Variants in ST8SIA5 observed in about 807,000 individuals in gnomAD.
ST8SIA5 encodes ST8 alpha-N-acetyl-neuraminide alpha-2,8-sialyltransferase 5, also known as alpha-2,8-sialyltransferase 8E.
ST8SIA5 carries 24 observed loss-of-function variants against 40.2 expected under a neutral mutation model. That is an observed-to-expected ratio of 0.60 (90% confidence interval 0.43 to 0.84). ST8SIA5 has a LOEUF of 0.84. Among genes scored for constraint, ST8SIA5 ranks in the 40% least tolerant of loss-of-function variants. The probability of loss-of-function intolerance (pLI) is 0.00; values close to 1 mark genes in which losing one functional copy is unlikely to be tolerated. For missense variants in ST8SIA5, 465 were observed against 498.5 expected (o/e 0.93, Z 0.64); for synonymous variants, 198 against 201.8 (o/e 0.98, Z 0.16).
chr18:46,713,589 C>T (rs1334139578), intron 1 of ST8SIA5, among the ~76,000 whole-genome samples: 1 of 152,152 alleles, frequency 6.6e-6, no homozygotes, highest in African/African-American at 2.4e-5. Flanking sequence ...ATTCAGATGG[C>T]AGCAAATGAC....
chr18:46,736,299 G>A (rs1395492856), intron 1 of ST8SIA5, among the ~76,000 whole-genome samples: 1 of 152,092 alleles, frequency 6.6e-6, no homozygotes, highest in Non-Finnish European at 1.5e-5. Context: ...GTACACAAAG[G>A]GCACACAATG....
chr18:46,684,228 G>A (rs1008932231), intron 5 of ST8SIA5, among the ~76,000 whole-genome samples: 2 of 152,040 alleles, frequency 1.3e-5, no homozygotes, highest in African/African-American at 4.8e-5. Context: ...TCATATTATC[G>A]AGCTAGAGAA....
At chr18:46,699,602 A>G (rs1323126677) in intron 2 of ST8SIA5, among the ~76,000 whole-genome samples, 1 of 151,948 alleles carries the variant, frequency 6.6e-6, no homozygotes, top group Non-Finnish European at 1.5e-5. Context: ...AATGGTCTCG[A>G]TCTCCTGACC....
Position 46,755,626 on chromosome 18 carries a change from C to T in ST8SIA5, c.131+752G>A, listed in dbSNP as rs575251712. ...CAAATAGAGAGGCTGAGGCTGTGCC[C>T]GAATTGAATTTCTGAGTGACACCTC... On this transcript the variant is annotated intron_variant, in intron 1 of 6. Coordinates refer to ENST00000315087, the MANE Select transcript of ST8SIA5 (RefSeq NM_013305.6). Among the ~76,000 whole-genome samples, 9 of 152,196 alleles carry T rather than the reference C, an allele frequency of 5.9e-5. No individual in the cohort carries two copies. In the South Asian group the frequency reaches 1.9e-3, roughly 32 times the overall value.
Position 46,669,103 on chromosome 18 carries a change from T to C in ST8SIA5, c.*10939A>G, listed in dbSNP as rs949168985. The C allele has an allele frequency of 4.6e-5, 7 of 152,530 alleles. No homozygotes were observed. Among genetic ancestry groups the C allele is most frequent in the African/African-American group, 1.7e-4 (7 of 41,472 alleles). The allele number at this position is 152,530 out of a possible 1,614,324, so 9.4% of individuals were successfully genotyped here. A position where few individuals can be genotyped will look rare whatever the true frequency, so the allele number is the denominator to read the frequency against. On this transcript the variant is annotated 3_prime_UTR_variant, in exon 7 of 7. Coordinates refer to ENST00000315087, the MANE Select transcript of ST8SIA5 (RefSeq NM_013305.6). ...GCTGCTGGTTCGGGTGCCCTGAGCT[T>C]GGCCCCCAAAGAGGAATGAATACGA...
intron 1 of ST8SIA5, among the ~76,000 whole-genome samples, chr18:46,715,406 ACTAAG>A (rs2039777808): frequency 6.6e-6 from 1 of 152,208 alleles, no homozygotes; most frequent in South Asian, 2.1e-4. Context: ...TCAGAAAAAC[ACTAAG>A]CACACTTGGG....
At chr18:46,683,872 A>G (rs1247640868) in intron 5 of ST8SIA5, among the ~76,000 whole-genome samples, 2 of 152,182 alleles carry the variant, frequency 1.3e-5, no homozygotes, top group African/African-American at 2.4e-5. Flanking sequence ...CTGTGTTGCA[A>G]ATGAGAAACC....
At position 46,721,422 on chromosome 18, in the gene ST8SIA5, G is replaced by A. The variant is rs1052047597; in HGVS notation, c.132-16758C>T. ...ATCATCCGTGACATTAAAGAGCCCC[G>A]TCCAATTGGTCAGCTGGTCACCACT... On this transcript the variant is annotated intron_variant, in intron 1 of 6. Transcript: ENST00000315087. 18 of 1,535,936 alleles carry A rather than the reference G, an allele frequency of 1.2e-5. No homozygotes were observed. In the Admixed American group the frequency reaches 1.4e-4, roughly 12 times the overall value.
intron 5 of ST8SIA5, 42 bp downstream of exon 5, chr18:46,686,132 G>T (rs971791994): frequency 6.3e-7 from 1 of 1,578,386 alleles, no homozygotes; most frequent in Admixed American, 1.7e-5. Flanking sequence ...GGAGGAGAGG[G>T]CCATGGGGTA....
At chr18:46,708,153 A>G (rs1246181158) in intron 1 of ST8SIA5, among the ~76,000 whole-genome samples, 2 of 152,210 alleles carry the variant, frequency 1.3e-5, no homozygotes, top group African/African-American at 4.8e-5. Context: ...TTGTCCCGCC[A>G]CTAAAGAGCA....
Position 46,686,380 on chromosome 18 carries a change from T to C in ST8SIA5, c.457-94A>G, listed in dbSNP as rs2039448152. 3 of 999,440 alleles carry C rather than the reference T, an allele frequency of 3.0e-6. No individual in the cohort carries two copies. The East Asian group carries it at 7.7e-5, about 26-fold the overall frequency. 61.9% of individuals were successfully genotyped at this position (999,440 alleles called of 1,614,324 possible). The stretch of plus-strand genomic sequence containing the variant: ...TGCAAGCACACCCACCTATATTAGC[T>C]CCTGGTCCCAAGAGGCAGCCTTGTG... On this transcript the variant is annotated intron_variant, in intron 4 of 6. Coordinates refer to ENST00000315087, the MANE Select transcript of ST8SIA5 (RefSeq NM_013305.6).
At chr18:46,745,119 A>T (rs1225365561) in intron 1 of ST8SIA5, among the ~76,000 whole-genome samples, 1 of 152,254 alleles carries the variant, frequency 6.6e-6, no homozygotes, top group African/African-American at 2.4e-5. Flanking sequence ...AGCAGGAAAG[A>T]TCTAAAATTG....
In ST8SIA5 at chr18:46,680,415, C is replaced by G. The variant is rs754129128; in HGVS notation, c.758G>C (p.Arg253Pro). ...GACGCGGATGGACACGTCGGTGTTGCGCGTGTTGTAGAAGGCAGGCAGCAG... is the reference window on the plus strand; with the variant it reads ...GACGCGGATGGACACGTCGGTGTTGGGCGTGTTGTAGAAGGCAGGCAGCAG... ...SVLLPAFYNT[R>P]NTDVSIRVKY... Residue 253 changes from arginine (R) to proline (P), a missense_variant, in exon 7 of 7, where the codon CGC becomes CCC. Coordinates refer to ENST00000315087, the MANE Select transcript of ST8SIA5 (RefSeq NM_013305.6). The G allele has an allele frequency of 3.1e-6, 5 of 1,613,102 alleles. No individual in the cohort carries two copies. The East Asian group carries it at 8.9e-5, about 29-fold the overall frequency.
intron 1 of ST8SIA5, among the ~76,000 whole-genome samples, chr18:46,751,552 A>T (rs1465127990): frequency 2.0e-5 from 3 of 151,850 alleles, no homozygotes; most frequent in Non-Finnish European, 4.4e-5. Flanking sequence ...GTGTGCCACC[A>T]CACCTGGCTA....
At chr18:46,699,044 A>C (rs976291418) in intron 2 of ST8SIA5, among the ~76,000 whole-genome samples, 2 of 152,232 alleles carry the variant, frequency 1.3e-5, no homozygotes, top group African/African-American at 4.8e-5. Context: ...TTTTAGAGTT[A>C]ATCTCTAGAA....
chr18:46,721,903 G>A (rs1019982707), intron 1 of ST8SIA5, among the ~76,000 whole-genome samples: 1 of 152,140 alleles, frequency 6.6e-6, no homozygotes, highest in South Asian at 2.1e-4. Flanking sequence ...CAGCACACAA[G>A]GATACCACTT....
At chr18:46,703,285 A>G (rs1046431383) in intron 2 of ST8SIA5, among the ~76,000 whole-genome samples, 5 of 152,142 alleles carry the variant, frequency 3.3e-5, no homozygotes, top group Admixed American at 2.0e-4. Context: ...AGCTGGGACT[A>G]CAGGCGCCTG....
At position 46,670,845 on chromosome 18, in the gene ST8SIA5, C is replaced by T. The variant is rs2039304883; in HGVS notation, c.*9197G>A. On this transcript the variant is annotated 3_prime_UTR_variant, in exon 7 of 7. Coordinates refer to ENST00000315087, the MANE Select transcript of ST8SIA5 (RefSeq NM_013305.6). ...CATCACAATTTAGGCTATTAGCTGC[C>T]ACTTCTTGCTTTATCTAGCACATGT... The T allele has an allele frequency of 6.6e-6, 1 of 152,218 alleles. No individual in the cohort carries two copies. The highest frequency in any genetic ancestry group is 2.1e-4 in the South Asian group (1 of 4,814). The allele number at this position is 152,218 out of a possible 1,614,324, so 9.4% of individuals were successfully genotyped here.
At chr18:46,725,254 A>G (rs2039905140) in intron 1 of ST8SIA5, among the ~76,000 whole-genome samples, 1 of 152,160 alleles carries the variant, frequency 6.6e-6, no homozygotes, top group Non-Finnish European at 1.5e-5. Context: ...TAATATTTCC[A>G]CCCGAGATTT....
Sources: gnomAD v4.1 joint callset for allele counts (sites outside exome capture counted in the v4.1 genomes callset) on GRCh38, gnomAD v4.1.1 for gene constraint, MANE v1.5 for transcripts, NCBI Gene and HGNC (gene_info 2026-07-23, HGNC 2026-07-21) for gene names.